The following FHIT variants were observed in gnomAD, a reference collection of about 807,000 sequenced individuals.
FHIT encodes fragile histidine triad diadenosine triphosphatase, also known as bis(5'-adenosyl)-triphosphatase.
In FHIT, 19 loss-of-function variants were observed where a neutral mutation model predicts 17.9. The observed-to-expected ratio is 1.06, with a 90% CI of 0.74 to 1.56. The LOEUF (loss-of-function observed/expected upper bound fraction) is 1.56, where lower values mean the gene tolerates loss of function less well. Ranked by LOEUF, FHIT falls within the 40% of genes most tolerant of loss-of-function variation. The pLI, the probability that FHIT is intolerant of heterozygous loss-of-function variation, is 0.00. For missense variants in FHIT, 248 were observed against 189.2 expected (o/e 1.31, Z -1.82); for synonymous variants, 81 against 69.7 (o/e 1.16, Z -0.81).
At chr3:59,824,903 C>A (rs1276542274) in intron 8 of FHIT, among the ~76,000 whole-genome samples, 3 of 152,176 alleles carry the variant, frequency 2.0e-5, no homozygotes, top group African/African-American at 7.2e-5. Flanking sequence ...AGACTAATTT[C>A]TTTTGGTTAT....
chr3:59,947,772 A>G (rs1013619178), intron 7 of FHIT, among the ~76,000 whole-genome samples: 2 of 152,210 alleles, frequency 1.3e-5, no homozygotes, highest in African/African-American at 4.8e-5. Flanking sequence ...GATGCTGGCC[A>G]AAGCACTTCA....
intron 5 of FHIT, among the ~76,000 whole-genome samples, chr3:60,233,206 A>T (rs1359771973): frequency 6.6e-6 from 1 of 152,212 alleles, no homozygotes; most frequent in Non-Finnish European, 1.5e-5. Flanking sequence ...TCCTGACTGC[A>T]CTTAGAGAGT....
intron 4 of FHIT, chr3:60,537,442 T>A (rs1382705946): frequency 1.9e-5 from 19 of 980,314 alleles, no homozygotes; most frequent in Non-Finnish European, 2.2e-5. Context: ...TTAGAACAAG[T>A]ACGAACACTG....
At chr3:60,609,648 A>G (rs781947404) in intron 4 of FHIT, among the ~76,000 whole-genome samples, 7 of 152,102 alleles carry the variant, frequency 4.6e-5, no homozygotes, top group Non-Finnish European at 8.8e-5. Flanking sequence ...TTCTTATGGA[A>G]AAGCATTCTT....
At chr3:60,423,948 T>G (rs1215322804) in intron 5 of FHIT, among the ~76,000 whole-genome samples, 1 of 152,198 alleles carries the variant, frequency 6.6e-6, no homozygotes, top group Non-Finnish European at 1.5e-5. Context: ...AAAACACTGA[T>G]AGTATAACAA....
At chr3:61,144,362 A>T (rs1172019350) in intron 2 of FHIT, among the ~76,000 whole-genome samples, 3 of 152,212 alleles carry the variant, frequency 2.0e-5, no homozygotes, top group Non-Finnish European at 4.4e-5. Flanking sequence ...ACATTGTAGC[A>T]TGTTTCAGCA....
intron 3 of FHIT, among the ~76,000 whole-genome samples, chr3:60,922,289 C>T (rs2107319612): frequency 6.6e-6 from 1 of 152,284 alleles, no homozygotes; most frequent in East Asian, 1.9e-4. Context: ...TTCATCTCCC[C>T]ATGCGGGCAC....
intron 2 of FHIT, among the ~76,000 whole-genome samples, chr3:61,095,783 T>A (rs2035620075): frequency 6.6e-6 from 1 of 152,188 alleles, no homozygotes; most frequent in South Asian, 2.1e-4. Context: ...CTCTTCAGGG[T>A]ATCACTCCTG....
chr3:60,786,938 G>A (rs1228980567), intron 4 of FHIT, among the ~76,000 whole-genome samples: 2 of 151,416 alleles, frequency 1.3e-5, no homozygotes, highest in South Asian at 2.1e-4. Context: ...AAGAAGAAAG[G>A]GAGGAAGGCA....
chr3:61,224,448 T>C (rs758368460), intron 1 of FHIT, among the ~76,000 whole-genome samples: 1 of 152,206 alleles, frequency 6.6e-6, no homozygotes, highest in Non-Finnish European at 1.5e-5. Context: ...TGGAATCTCA[T>C]TCTTATCGCC....
chr3:59,912,966 T>C (rs983968072), intron 8 of FHIT, among the ~76,000 whole-genome samples: 1 of 152,224 alleles, frequency 6.6e-6, no homozygotes, highest in Non-Finnish European at 1.5e-5. Context: ...TCCAAAAGGA[T>C]GACCTTGGGA....
intron 3 of FHIT, among the ~76,000 whole-genome samples, chr3:60,983,180 T>A (rs1241579705): frequency 6.6e-6 from 1 of 151,718 alleles, no homozygotes. Context: ...ACACACTTAC[T>A]AAGATGTTGG....
intron 3 of FHIT, among the ~76,000 whole-genome samples, chr3:60,860,468 A>ATGT (rs1491356128): frequency 1.0e-5 from 1 of 97,946 alleles, no homozygotes; most frequent in East Asian, 2.2e-4. Flanking sequence ...GTACATATAT[A>ATGT]TGTATATATG....
chr3:60,840,082 C>CT (rs1415447814), intron 3 of FHIT, among the ~76,000 whole-genome samples: 1 of 152,024 alleles, frequency 6.6e-6, no homozygotes, highest in African/African-American at 2.4e-5. Context: ...GGAAAGATAT[C>CT]TTCAGAGCCT....
intron 3 of FHIT, among the ~76,000 whole-genome samples, chr3:60,981,074 G>C (rs1396908296): frequency 6.6e-6 from 1 of 152,258 alleles, no homozygotes; most frequent in East Asian, 1.9e-4. Flanking sequence ...TTTCCCAGGG[G>C]GTCATAGCCA....
At chr3:60,086,243 A>G (rs1703487778) in intron 5 of FHIT, among the ~76,000 whole-genome samples, 1 of 152,114 alleles carries the variant, frequency 6.6e-6, no homozygotes, top group African/African-American at 2.4e-5. Context: ...ACAGGCATCG[A>G]TCTATTCATG....
At chr3:59,883,996 C>T (rs895923995) in intron 8 of FHIT, among the ~76,000 whole-genome samples, 1 of 152,174 alleles carries the variant, frequency 6.6e-6, no homozygotes, top group Non-Finnish European at 1.5e-5. Flanking sequence ...TATTCTTAGG[C>T]TTCACTTTTG....
chr3:60,425,390 C>T (rs976145226), intron 5 of FHIT, among the ~76,000 whole-genome samples: 22 of 152,146 alleles, frequency 1.4e-4, no homozygotes, highest in African/African-American at 4.8e-4. Context: ...AAATTCTACT[C>T]AACTCCATGA....
intron 8 of FHIT, among the ~76,000 whole-genome samples, chr3:59,865,224 T>G (rs895177377): frequency 4.6e-5 from 7 of 152,254 alleles, no homozygotes; most frequent in African/African-American, 1.2e-4. Flanking sequence ...ACTGTGGGAT[T>G]AGCATTATTA....
Sources: allele counts gnomAD v4.1 joint callset (sites outside exome capture counted in the v4.1 genomes callset), GRCh38; gene constraint gnomAD v4.1.1; transcripts MANE v1.5; gene names NCBI Gene and HGNC (gene_info 2026-07-23, HGNC 2026-07-21).